Variants in CCDC91 observed in about 807,000 individuals in gnomAD.
The protein encoded by CCDC91 is coiled-coil domain-containing protein 91.
A neutral mutation model predicts 63.2 loss-of-function variants in CCDC91; 48 were observed. The observed-to-expected ratio is 0.76, with a 90% confidence interval of 0.60 to 0.97. CCDC91 has a LOEUF of 0.97. CCDC91 is among the 50% of genes least tolerant of loss of function. The pLI, the probability that CCDC91 is intolerant of heterozygous loss-of-function variation, is 0.00. For synonymous variants in CCDC91, 167 were observed against 165.8 expected (o/e 1.01, Z -0.06); for missense variants, 500 against 494.6 (o/e 1.01, Z -0.10).
chr12:28,207,969 C>T (rs763482779), intron 1 of CCDC91, among the ~76,000 whole-genome samples: 3 of 152,126 alleles, frequency 2.0e-5, no homozygotes, highest in Non-Finnish European at 4.4e-5. Context: ...TCAGTATTTG[C>T]TCATTTAGCA....
intron 1 of CCDC91, among the ~76,000 whole-genome samples, chr12:28,227,482 C>A (rs1356274824): frequency 6.6e-6 from 1 of 152,004 alleles, no homozygotes; most frequent in Non-Finnish European, 1.5e-5. Context: ...TCCTATTAGA[C>A]CTTTTCCTTT....
chr12:28,193,955 A>G (rs545991716), intron 1 of CCDC91, among the ~76,000 whole-genome samples: 2 of 152,288 alleles, frequency 1.3e-5, no homozygotes, highest in South Asian at 4.1e-4. Flanking sequence ...ATTATCGTAT[A>G]TATGTTCACA....
At position 28,259,456 on chromosome 12, in the gene CCDC91, G is replaced by T; in HGVS notation, c.109+14G>T. 3 of 1,468,486 alleles carry T rather than the reference G, an allele frequency of 2.0e-6. No individual in the cohort carries two copies. The highest frequency in any genetic ancestry group is 2.8e-6 in the Non-Finnish European group (3 of 1,065,432). The allele number at this position is 1,468,486 out of a possible 1,614,324, so 91.0% of individuals were successfully genotyped here. On this transcript the variant is annotated intron_variant, in intron 3 of 12. Transcript: ENST00000536442. ...CCTTTCCTGCAGGTATTGGTATCCA[G>T]GAATTAGGGTTTTTTTTTTTTTTTT...
chr12:28,417,640 T>TATATACAC (rs57507827), intron 8 of CCDC91, among the ~76,000 whole-genome samples: 36 of 112,150 alleles, frequency 3.2e-4, no homozygotes, highest in South Asian at 1.3e-3. Context: ...TATATATATA[T>TATATACAC]ACACACACAC....
intron 1 of CCDC91, among the ~76,000 whole-genome samples, chr12:28,237,806 T>C (rs1232493297): frequency 6.6e-6 from 1 of 152,222 alleles, no homozygotes; most frequent in Non-Finnish European, 1.5e-5. Flanking sequence ...CACTGAAATA[T>C]TTAATCATAG....
intron 1 of CCDC91, among the ~76,000 whole-genome samples, chr12:28,248,103 A>T (rs12298406): frequency 0.91 from 138,570 of 152,082 alleles, 64,376 homozygotes; most frequent in East Asian, 1. Context: ...TTTGTGATTG[A>T]TTTTATATAT....
chr12:28,331,259 T>C (rs1396731365), intron 6 of CCDC91, among the ~76,000 whole-genome samples: 1 of 152,234 alleles, frequency 6.6e-6, no homozygotes, highest in African/African-American at 2.4e-5. Flanking sequence ...AAATACAATC[T>C]TAACGCCATG....
At chr12:28,397,653 A>G (rs1946371174) in intron 8 of CCDC91, among the ~76,000 whole-genome samples, 1 of 152,164 alleles carries the variant, frequency 6.6e-6, no homozygotes, top group South Asian at 2.1e-4. Context: ...TACTATTTGT[A>G]TCTTTGATTA....
chr12:28,521,751 A>G (rs773898843), intron 12 of CCDC91, among the ~76,000 whole-genome samples: 3 of 152,190 alleles, frequency 2.0e-5, no homozygotes, highest in Non-Finnish European at 4.4e-5. Flanking sequence ...CTTCCCATCA[A>G]TACCTAATTT....
intron 8 of CCDC91, among the ~76,000 whole-genome samples, chr12:28,417,779 C>A (rs908919178): frequency 6.6e-6 from 1 of 152,020 alleles, no homozygotes; most frequent in Non-Finnish European, 1.5e-5. Context: ...TTCAACCATG[C>A]AATACTGGAT....
At position 28,269,320 on chromosome 12, in the gene CCDC91, T is replaced by G. The variant is rs371607443; in HGVS notation, c.109+9878T>G. The stretch of plus-strand genomic sequence containing the variant: ...GGAGGGTACCATGATTTCTTGAGAT[T>G]CTGGAATCTTCCAACCCCTTTTTGT... On this transcript the variant is annotated intron_variant, in intron 3 of 12. Transcript: ENST00000536442. Among the ~76,000 whole-genome samples the G allele has an allele frequency of 1.2e-4, 19 of 152,174 alleles. No individual in the cohort carries two copies. In the South Asian group the frequency reaches 3.7e-3, roughly 30 times the overall value.
chr12:28,521,398 C>G (rs1352525299), intron 12 of CCDC91, among the ~76,000 whole-genome samples: 5 of 152,112 alleles, frequency 3.3e-5, no homozygotes, highest in Non-Finnish European at 7.4e-5. Context: ...TATAAGAATG[C>G]TTGTGATTTT....
At chr12:28,287,586 T>C (rs776761824) in intron 3 of CCDC91, among the ~76,000 whole-genome samples, 2 of 152,226 alleles carry the variant, frequency 1.3e-5, no homozygotes, top group African/African-American at 4.8e-5. Flanking sequence ...TTTGTAGCAA[T>C]AGCATGCTGT....
chr12:28,351,770 A>G (rs939302053), intron 6 of CCDC91, among the ~76,000 whole-genome samples: 1 of 151,514 alleles, frequency 6.6e-6, no homozygotes, highest in African/African-American at 2.4e-5. Flanking sequence ...TCTGACAGTC[A>G]TTCTTCATTT....
At chr12:28,541,603 C>T (rs1942636455) in intron 12 of CCDC91, among the ~76,000 whole-genome samples, 1 of 151,894 alleles carries the variant, frequency 6.6e-6, no homozygotes, top group Admixed American at 6.6e-5. Context: ...GTGTTTGTTA[C>T]TTCAGCAGTA....
chr12:28,526,268 T>G (rs1396399915), intron 12 of CCDC91, among the ~76,000 whole-genome samples: 2 of 152,156 alleles, frequency 1.3e-5, no homozygotes, highest in Non-Finnish European at 2.9e-5. Flanking sequence ...TAGAGCTCCT[T>G]TTAGCAGTTC....
intron 1 of CCDC91, among the ~76,000 whole-genome samples, chr12:28,228,393 G>A (rs1944402147): frequency 6.6e-6 from 1 of 152,066 alleles, no homozygotes; most frequent in South Asian, 2.1e-4. Flanking sequence ...CTATTAAACT[G>A]TGATATCCAA....
intron 11 of CCDC91, among the ~76,000 whole-genome samples, chr12:28,454,902 G>C (rs888767533): frequency 7.9e-5 from 12 of 152,116 alleles, no homozygotes; most frequent in Admixed American, 2.6e-4. Context: ...TTTGTCTCTG[G>C]ATTTCCCACA....
rs550293374 is a variant in CCDC91, at chr12:28,398,026, A to G, written c.762+6615A>G. Among the ~76,000 whole-genome samples, 14 of 152,266 alleles carry G rather than the reference A, an allele frequency of 9.2e-5. 1 individual carries two copies. The highest frequency in any genetic ancestry group is 3.4e-4 in the African/African-American group (14 of 41,560). On this transcript the variant is annotated intron_variant, in intron 8 of 12. Coordinates refer to ENST00000536442, the MANE Select transcript of CCDC91 (RefSeq NM_018318.5). ...GAGCTAGGTTATATATTTATTCTGT[A>G]TTCCCCAAATCTATCAACTTTTTGG...
Sources: allele counts gnomAD v4.1 joint callset (sites outside exome capture counted in the v4.1 genomes callset), GRCh38; gene constraint gnomAD v4.1.1; transcripts MANE v1.5; gene names NCBI Gene and HGNC (gene_info 2026-07-23, HGNC 2026-07-21).